The following RBFOX1 variants were observed in gnomAD, a reference collection of about 807,000 sequenced individuals.
RBFOX1 encodes RNA binding fox-1 homolog 1, also known as RNA binding protein fox-1 homolog 1.
In RBFOX1, 8 loss-of-function variants were observed where a neutral mutation model predicts 57.7. The observed-to-expected ratio is 0.14, with a 90% confidence interval of 0.08 to 0.25. RBFOX1 has a LOEUF of 0.25. Ranked by LOEUF, RBFOX1 falls within the 10% of genes least tolerant of loss-of-function variation. The pLI is 1.00. For synonymous variants in RBFOX1, 326 were observed against 222.4 expected (o/e 1.47, Z -4.15); for missense variants, 611 against 548.5 (o/e 1.11, Z -1.14).
intron 2 of RBFOX1, among the ~76,000 whole-genome samples, chr16:6,552,369 T>C (rs1392791122): frequency 6.6e-6 from 1 of 152,178 alleles, no homozygotes; most frequent in Non-Finnish European, 1.5e-5. Context: ...GTGAAATTGC[T>C]GTGACTCCTT....
intron 3 of RBFOX1, among the ~76,000 whole-genome samples, chr16:5,843,001 T>C (rs1192289117): frequency 6.6e-6 from 1 of 151,866 alleles, no homozygotes; most frequent in Admixed American, 6.6e-5. Context: ...TTTTTCTTTT[T>C]TTTCTTTAGT....
At chr16:6,627,738 C>T (rs577030893) in intron 2 of RBFOX1, among the ~76,000 whole-genome samples, 10 of 152,180 alleles carry the variant, frequency 6.6e-5, no homozygotes, top group African/African-American at 2.4e-4. Context: ...CCTCTGAGGC[C>T]GGAGGGAGGG....
intron 4 of RBFOX1, among the ~76,000 whole-genome samples, chr16:7,398,131 G>A (rs971456507): frequency 2.0e-5 from 3 of 152,200 alleles, no homozygotes; most frequent in African/African-American, 7.2e-5. Context: ...GATTCCACAT[G>A]GAAGAAGGAA....
chr16:6,451,360 A>G (rs1207120135), intron 2 of RBFOX1, among the ~76,000 whole-genome samples: 1 of 152,034 alleles, frequency 6.6e-6, no homozygotes, highest in Non-Finnish European at 1.5e-5. Context: ...CTGCTTAACT[A>G]TGTTGCATGC....
At chr16:7,082,254 A>C (rs755543019) in intron 4 of RBFOX1, among the ~76,000 whole-genome samples, 10 of 152,082 alleles carry the variant, frequency 6.6e-5, no homozygotes, top group Non-Finnish European at 1.3e-4. Flanking sequence ...TACAGAATAC[A>C]TTGTCAAGTG....
intron 3 of RBFOX1, among the ~76,000 whole-genome samples, chr16:6,788,730 C>T (rs922126810): frequency 3.0e-4 from 45 of 148,746 alleles, no homozygotes; most frequent in African/African-American, 1.1e-3. Context: ...CCGCCTCGGC[C>T]TCCCAGAGTG....
At chr16:6,271,475 C>A (rs776665129) in intron 1 of RBFOX1, among the ~76,000 whole-genome samples, 2 of 152,056 alleles carry the variant, frequency 1.3e-5, no homozygotes, top group Non-Finnish European at 1.5e-5. Context: ...GAGCAGAAAT[C>A]GATGAAATTC....
At chr16:6,746,034 C>G (rs757698129) in intron 3 of RBFOX1, among the ~76,000 whole-genome samples, 7 of 152,080 alleles carry the variant, frequency 4.6e-5, no homozygotes, top group Non-Finnish European at 8.8e-5. Flanking sequence ...GCATTTTGAA[C>G]AGTGAAATAC....
intron 3 of RBFOX1, among the ~76,000 whole-genome samples, chr16:5,848,872 C>T (rs2056820601): frequency 6.6e-6 from 1 of 152,050 alleles, no homozygotes; most frequent in African/African-American, 2.4e-5. Context: ...TCACTTGAAT[C>T]TGGGAGGCAG....
chr16:7,636,065 C>G (rs1420915146), intron 11 of RBFOX1, among the ~76,000 whole-genome samples: 1 of 152,226 alleles, frequency 6.6e-6, no homozygotes, highest in Middle Eastern at 3.2e-3. Flanking sequence ...CCGCCTTGGC[C>G]GCCCACAGTG....
chr16:7,623,945 C>T (rs2059695530), intron 10 of RBFOX1, among the ~76,000 whole-genome samples: 1 of 152,162 alleles, frequency 6.6e-6, no homozygotes, highest in Admixed American at 6.6e-5. Context: ...AGTAAAGTCA[C>T]ATTCTGAAGT....
At chr16:6,891,351 C>T (rs879366379) in intron 3 of RBFOX1, among the ~76,000 whole-genome samples, 2 of 152,034 alleles carry the variant, frequency 1.3e-5, no homozygotes, top group Non-Finnish European at 2.9e-5. Context: ...ACTTGCCCAT[C>T]GATATAAGAT....
chr16:6,585,130 C>T (rs1484186081), intron 2 of RBFOX1, among the ~76,000 whole-genome samples: 1 of 152,180 alleles, frequency 6.6e-6, no homozygotes, highest in East Asian at 1.9e-4. Context: ...TAATCTCTGG[C>T]AGCCTCATGC....
At chr16:7,306,224 C>G (rs1340312349) in intron 4 of RBFOX1, among the ~76,000 whole-genome samples, 2 of 152,000 alleles carry the variant, frequency 1.3e-5, no homozygotes, top group South Asian at 2.1e-4. Flanking sequence ...AATTGGCTTA[C>G]TCATTTGGGC....
At position 7,000,671 on chromosome 16, in the gene RBFOX1, C is replaced by G. The variant is rs1178241975; in HGVS notation, c.-15-51386C>G. 4.0e-5 allele frequency among the ~76,000 whole-genome samples: 5 copies of G among 125,018 alleles called. No individual in the cohort carries two copies. In the East Asian group the frequency reaches 8.6e-4, roughly 22 times the overall value. 82.0% of individuals were successfully genotyped at this position (125,018 alleles called of 152,430 possible). On this transcript the variant is annotated intron_variant, in intron 3 of 15. Transcript: ENST00000550418. ...CCAGGCTGGAGTGCAGTGGCATGAT[C>G]TCGGCTCACTGCAACCTCTGCCTAC...
At chr16:5,961,109 C>A (rs1031721113) in intron 4 of RBFOX1, among the ~76,000 whole-genome samples, 5 of 152,194 alleles carry the variant, frequency 3.3e-5, no homozygotes, top group African/African-American at 1.2e-4. Flanking sequence ...CCTCTCACAA[C>A]CCTCTGGCAG....
At chr16:6,727,038 G>GCGC (rs2067351778) in intron 3 of RBFOX1, among the ~76,000 whole-genome samples, 2 of 24,448 alleles carry the variant, frequency 8.2e-5, no homozygotes, top group Admixed American at 8.6e-4. Flanking sequence ...TGACCTTCAG[G>GCGC]TATTTGGACT....
chr16:7,317,324 C>G (rs563020191), intron 4 of RBFOX1, among the ~76,000 whole-genome samples: 1 of 152,114 alleles, frequency 6.6e-6, no homozygotes, highest in African/African-American at 2.4e-5. Flanking sequence ...TGGCACTGAC[C>G]TGGGTGGTAT....
intron 4 of RBFOX1, among the ~76,000 whole-genome samples, chr16:7,295,544 A>G (rs1401816746): frequency 6.6e-6 from 1 of 152,192 alleles, no homozygotes; most frequent in Non-Finnish European, 1.5e-5. Flanking sequence ...TCTCCTTAGA[A>G]TGAAACTGAG....
Sources: allele counts gnomAD v4.1 joint callset (sites outside exome capture counted in the v4.1 genomes callset), GRCh38; gene constraint gnomAD v4.1.1; transcripts MANE v1.5; gene names NCBI Gene and HGNC (gene_info 2026-07-23, HGNC 2026-07-21).